Variants in SLC4A7 observed in about 807,000 individuals in gnomAD.
SLC4A7 encodes sodium bicarbonate cotransporter 3.
SLC4A7 carries 51 observed loss-of-function variants against 137.6 expected under a neutral mutation model. The observed-to-expected ratio is 0.37, with a 90% CI of 0.30 to 0.47. The LOEUF is 0.47. Among genes scored for constraint, SLC4A7 ranks in the 20% least tolerant of loss-of-function variants. The pLI is 1.00. For missense variants in SLC4A7, 1,247 were observed against 1,525.4 expected, an observed-to-expected ratio of 0.82 and a Z score of 3.04; for synonymous variants, 542 against 518.6, an observed-to-expected ratio of 1.05 and a Z score of -0.61.
At chr3:27,470,652 A>AAAC (rs1553720423) in intron 1 of SLC4A7, among the ~76,000 whole-genome samples, 1 of 150,218 alleles carries the variant, frequency 6.7e-6, no homozygotes, top group East Asian at 1.9e-4. Flanking sequence ...AAAAAAAAAA[A>AAAC]AAAAAAACAG....
chr3:27,451,622 T>G (rs892126695), intron 2 of SLC4A7, among the ~76,000 whole-genome samples: 1 of 152,114 alleles, frequency 6.6e-6, no homozygotes, highest in Admixed American at 6.5e-5. Context: ...ATTAGGAGAC[T>G]GAGGAGACTT....
intron 24 of SLC4A7, among the ~76,000 whole-genome samples, chr3:27,381,330 C>T (rs940470460): frequency 6.6e-6 from 1 of 152,132 alleles, no homozygotes; most frequent in African/African-American, 2.4e-5. Flanking sequence ...ATACTCTCGG[C>T]AAATTGGTGA....
chr3:27,391,880 T>C lies in SLC4A7; in HGVS notation c.3118-72A>G, dbSNP rs949248252. The C allele has an allele frequency of 8.2e-5, 69 of 841,292 alleles. 1 individual carries two copies. In the African/African-American group the frequency reaches 1.1e-3, roughly 13 times the overall value. 52.1% of individuals were successfully genotyped at this position (841,292 alleles called of 1,614,324 possible). ...CAAAAACATAATCAGTGAGTAATTATAGGGCTAGAATTAAAAGATTTTTCA... is the reference window on the plus strand; with the variant it reads ...CAAAAACATAATCAGTGAGTAATTACAGGGCTAGAATTAAAAGATTTTTCA... On this transcript the variant is annotated intron_variant, in intron 20 of 25. Coordinates refer to ENST00000454389, the MANE Select transcript of SLC4A7 (RefSeq NM_001321103.2).
chr3:27,386,046 T>C (rs367715686), intron 22 of SLC4A7, 23 bp from the exon 23 acceptor site: 13 of 1,574,196 alleles, frequency 8.3e-6, no homozygotes, highest in Non-Finnish European at 1.1e-5. Flanking sequence ...GGGAAGGAAA[T>C]ATTAAGTAAC....
intron 1 of SLC4A7, chr3:27,456,597 C>T: frequency 8.2e-7 from 1 of 1,217,630 alleles, no homozygotes; most frequent in Non-Finnish European, 1.2e-6. Flanking sequence ...CACTATTAAA[C>T]TCTGATTCAA....
At chr3:27,409,829 G>A (rs921476482) in intron 12 of SLC4A7, among the ~76,000 whole-genome samples, 2 of 152,026 alleles carry the variant, frequency 1.3e-5, no homozygotes, top group African/African-American at 2.4e-5. Flanking sequence ...TGCAAGGCAA[G>A]GTATAACAAA....
chr3:27,412,294 C>T (rs2053974901), intron 11 of SLC4A7, among the ~76,000 whole-genome samples: 1 of 152,132 alleles, frequency 6.6e-6, no homozygotes, highest in Non-Finnish European at 1.5e-5. Flanking sequence ...GATTTCTCCC[C>T]CTCTGTTAAA....
At chr3:27,449,143 G>A (rs2057890816) in intron 2 of SLC4A7, among the ~76,000 whole-genome samples, 2 of 151,436 alleles carry the variant, frequency 1.3e-5, no homozygotes, top group South Asian at 2.1e-4. Context: ...CTCCTGATCC[G>A]CCCACCTCAG....
intron 16 of SLC4A7, among the ~76,000 whole-genome samples, chr3:27,400,493 A>G (rs1049242661): frequency 6.6e-6 from 1 of 152,228 alleles, no homozygotes; most frequent in Non-Finnish European, 1.5e-5. Flanking sequence ...ATTAGAAAAC[A>G]GAAGTATATT....
intron 13 of SLC4A7, among the ~76,000 whole-genome samples, chr3:27,407,623 C>G (rs1026053785): frequency 6.6e-6 from 1 of 152,092 alleles, no homozygotes; most frequent in Non-Finnish European, 1.5e-5. Context: ...ACTGTACTAC[C>G]CTTTCAAATC....
At chr3:27,410,284 T>C (rs940239160) in intron 12 of SLC4A7, among the ~76,000 whole-genome samples, 2 of 152,172 alleles carry the variant, frequency 1.3e-5, no homozygotes, top group African/African-American at 4.8e-5. Context: ...AGACTTTTTC[T>C]TGTTCACTGC....
At chr3:27,447,649 T>TC (rs1469571894) in intron 3 of SLC4A7, among the ~76,000 whole-genome samples, 2 of 99,220 alleles carry the variant, frequency 2.0e-5, no homozygotes, top group East Asian at 4.4e-4. Flanking sequence ...CCTTTTTTTT[T>TC]TTTTTTTTTT....
At chr3:27,444,077 G>A (rs1226750949) in intron 3 of SLC4A7, among the ~76,000 whole-genome samples, 2 of 152,144 alleles carry the variant, frequency 1.3e-5, no homozygotes, top group African/African-American at 2.4e-5. Context: ...ATAAATGTCA[G>A]TATCAATCTG....
intron 20 of SLC4A7, among the ~76,000 whole-genome samples, chr3:27,392,611 C>T (rs1043242854): frequency 3.3e-5 from 5 of 151,886 alleles, no homozygotes; most frequent in African/African-American, 4.8e-5. Flanking sequence ...AGATCACTTG[C>T]GGCCATAAGT....
chr3:27,391,729 T>G lies in SLC4A7; in HGVS notation c.3186+11A>C. The G allele has an allele frequency of 1.3e-6, 2 of 1,486,608 alleles. No homozygotes were observed. Among genetic ancestry groups the G allele is most frequent in the African/African-American group, 2.8e-5 (2 of 71,814 alleles). The allele number at this position is 1,486,608 out of a possible 1,614,324, so 92.1% of individuals were successfully genotyped here. ...GTTTCTATAGAAAATCATTAAATAC[T>G]TAAAACTTGCCTGGATTCCTTTTAA... On this transcript the variant is annotated intron_variant, in intron 21 of 25. Transcript: ENST00000454389.
intron 9 of SLC4A7, 118 bp downstream of exon 9, chr3:27,421,504 T>A: frequency 1.2e-6 from 1 of 838,936 alleles, no homozygotes; most frequent in Non-Finnish European, 1.8e-6. Context: ...AAAAATAAGA[T>A]AAAATTAAAT....
intron 13 of SLC4A7, among the ~76,000 whole-genome samples, chr3:27,407,243 A>T (rs1205501777): frequency 6.6e-6 from 1 of 150,880 alleles, no homozygotes; most frequent in Non-Finnish European, 1.5e-5. Context: ...GCACTTTGGG[A>T]GGCTGAGGTG....
At chr3:27,459,617 T>G (rs565549287) in intron 1 of SLC4A7, among the ~76,000 whole-genome samples, 2 of 152,188 alleles carry the variant, frequency 1.3e-5, no homozygotes, top group Non-Finnish European at 2.9e-5. Flanking sequence ...ACAAAAAAGA[T>G]AGCATTCATT....
chr3:27,465,663 A>C lies in SLC4A7; in HGVS notation c.61-13165T>G, dbSNP rs2058946641. Among the ~76,000 whole-genome samples the C allele has an allele frequency of 2.0e-5, 3 of 152,242 alleles. 1 individual carries two copies. The South Asian group carries it at 6.2e-4, about 32-fold the overall frequency. ...CCGAGAAATTTTAAATTAGGTAGAA[A>C]ACTGTACAGGAATTAGGCCGGCACC... On this transcript the variant is annotated intron_variant, in intron 1 of 25. Transcript: ENST00000454389.
Sources: gnomAD v4.1 joint callset for allele counts (sites outside exome capture counted in the v4.1 genomes callset) on GRCh38, gnomAD v4.1.1 for gene constraint, MANE v1.5 for transcripts, NCBI Gene and HGNC (gene_info 2026-07-23, HGNC 2026-07-21) for gene names.